Variants in RRN3 observed in about 807,000 individuals in gnomAD.
The protein encoded by RRN3 is RNA polymerase I transcription factor RRN3, also known as RNA polymerase I-specific transcription initiation factor RRN3.
Under a neutral mutation model 82.3 loss-of-function variants are expected in RRN3, and 38 were observed. The ratio of observed to expected loss-of-function variants is 0.46; its 90% confidence interval spans 0.36 to 0.61. The LOEUF is 0.61. RRN3 is among the 20% of genes least tolerant of loss of function. The pLI, the probability that RRN3 is intolerant of heterozygous loss-of-function variation, is 0.00. For synonymous variants in RRN3, 284 were observed against 284.3 expected, an observed-to-expected ratio of 1.00 and a Z score of 0.01; for missense variants, 726 against 793.1, an observed-to-expected ratio of 0.92 and a Z score of 1.02.
intron 8 of RRN3, among the ~76,000 whole-genome samples, chr16:15,080,942 AT>A (rs2045675837): frequency 6.6e-6 from 1 of 151,964 alleles, no homozygotes; most frequent in Non-Finnish European, 1.5e-5. Flanking sequence ...AGTTTGTGGC[AT>A]GTTTTTAGGG....
At chr16:15,079,172 AG>A (rs2045594104) in intron 9 of RRN3, among the ~76,000 whole-genome samples, 9 of 151,534 alleles carry the variant, frequency 5.9e-5, no homozygotes, top group South Asian at 2.1e-4. Flanking sequence ...CAGGGAGCAA[AG>A]TTGAAGGATT....
In RRN3 at chr16:15,063,291, C is replaced by T; in HGVS notation, c.1707-8G>A. On this transcript the variant is annotated splice_region_variant and splice_polypyrimidine_tract_variant and intron_variant, in intron 16 of 17. Coordinates refer to ENST00000198767, the MANE Select transcript of RRN3 (RefSeq NM_018427.5). ...TCAATGAATTTCTTTGACCTGTCAACAAAGATCACATTTCAAAGTCAAGTT... is the reference window on the plus strand; with the variant it reads ...TCAATGAATTTCTTTGACCTGTCAATAAAGATCACATTTCAAAGTCAAGTT... 3 of 1,600,246 alleles carry T rather than the reference C, an allele frequency of 1.9e-6. No homozygotes were observed. Among genetic ancestry groups the T allele is most frequent in the Middle Eastern group, 1.7e-4 (1 of 6,026 alleles).
chr16:15,072,733 T>C (rs1168543524), intron 12 of RRN3, among the ~76,000 whole-genome samples: 5 of 151,946 alleles, frequency 3.3e-5, no homozygotes, highest in African/African-American at 9.7e-5. Flanking sequence ...GAGGTGGAGG[T>C]TGCAGCAGTG....
At chr16:15,076,179 G>A (rs1190392839) in intron 10 of RRN3, among the ~76,000 whole-genome samples, 1 of 152,054 alleles carries the variant, frequency 6.6e-6, no homozygotes, top group Non-Finnish European at 1.5e-5. Flanking sequence ...TCCTTCCACT[G>A]AACCCAACTT....
intron 8 of RRN3, among the ~76,000 whole-genome samples, chr16:15,082,995 AG>A (rs149778595): frequency 0.03 from 4,549 of 152,342 alleles, 105 homozygotes; most frequent in Non-Finnish European, 0.051. Context: ...ACTTGCACAT[AG>A]TAATAACAGA....
chr16:15,080,950 A>G (rs1008045611), intron 8 of RRN3, among the ~76,000 whole-genome samples: 12 of 152,162 alleles, frequency 7.9e-5, no homozygotes, highest in Non-Finnish European at 1.6e-4. Flanking sequence ...GCATGTTTTT[A>G]GGGTTCAATC....
intron 10 of RRN3, among the ~76,000 whole-genome samples, chr16:15,076,123 C>A (rs2045444978): frequency 6.6e-6 from 1 of 152,216 alleles, no homozygotes; most frequent in African/African-American, 2.4e-5. Context: ...CTTCTGCTCC[C>A]TGACACCCTC....
Position 15,063,636 on chromosome 16 carries a change from C to T in RRN3, c.1707-353G>A, listed in dbSNP as rs139864903. Among the ~76,000 whole-genome samples the T allele has an allele frequency of 3.2e-3, 450 of 138,892 alleles. 1 individual carries two copies. Among genetic ancestry groups the T allele is most frequent in the African/African-American group, 0.01 (396 of 37,944 alleles). The allele number at this position is 138,892 out of a possible 152,430, so 91.1% of individuals were successfully genotyped here. A position where few individuals can be genotyped will look rare whatever the true frequency, so the allele number is the denominator to read the frequency against. On this transcript the variant is annotated intron_variant, in intron 16 of 17. Coordinates refer to ENST00000198767, the MANE Select transcript of RRN3 (RefSeq NM_018427.5). ...GGCAGAATGGCCTGAACCTGGGAGA[C>T]GGAGCTTGCAGCGAGCCGAGATCGC...
rs2044666493 is a variant in RRN3 at position 15,060,323 on chromosome 16, A to G, written c.*1421T>C. 1 of 230,016 alleles carries G rather than the reference A, an allele frequency of 4.3e-6. No individual in the cohort carries two copies. Among genetic ancestry groups the G allele is most frequent in the Non-Finnish European group, 8.9e-6 (1 of 112,540 alleles). The allele number at this position is 230,016 out of a possible 1,614,324, so 14.2% of individuals were successfully genotyped here. A position where few individuals can be genotyped will look rare whatever the true frequency, so the allele number is the denominator to read the frequency against. On this transcript the variant is annotated 3_prime_UTR_variant, in exon 18 of 18. Transcript: ENST00000198767. ...AAATTACTTTCCACCAAACCCGGAA[A>G]AGAAAACCACCCATATCCAAAACTT...
At chr16:15,078,202 C>T (rs1030237316) in intron 9 of RRN3, among the ~76,000 whole-genome samples, 2 of 152,166 alleles carry the variant, frequency 1.3e-5, no homozygotes, top group Non-Finnish European at 2.9e-5. Flanking sequence ...TCCAAGTGAG[C>T]ACTGCACCAG....
At chr16:15,087,851 A>T (rs1187095759) in intron 3 of RRN3, among the ~76,000 whole-genome samples, 3 of 152,186 alleles carry the variant, frequency 2.0e-5, no homozygotes, top group African/African-American at 7.2e-5. Flanking sequence ...GTGGTAGCTC[A>T]TGTCTGTAAT....
intron 11 of RRN3, among the ~76,000 whole-genome samples, chr16:15,073,927 G>C (rs1424549368): frequency 1.3e-5 from 2 of 152,060 alleles, no homozygotes; most frequent in Non-Finnish European, 2.9e-5. Context: ...AATGATATGA[G>C]AAAATGTTTA....
At chr16:15,087,660 C>T (rs1411298685) in intron 3 of RRN3, among the ~76,000 whole-genome samples, 1 of 152,118 alleles carries the variant, frequency 6.6e-6, no homozygotes, top group African/African-American at 2.4e-5. Flanking sequence ...TTTCATATGT[C>T]CACAACTGTT....
At chr16:15,087,404 G>A (rs1351378736) in intron 3 of RRN3, among the ~76,000 whole-genome samples, 10 of 152,128 alleles carry the variant, frequency 6.6e-5, no homozygotes, top group Admixed American at 1.3e-4. Context: ...CCAACCAAGA[G>A]GCCAGTAAAG....
At chr16:15,063,842 C>A (rs906681175) in intron 16 of RRN3, among the ~76,000 whole-genome samples, 53 of 152,012 alleles carry the variant, frequency 3.5e-4, no homozygotes, top group African/African-American at 1.3e-3. Flanking sequence ...TTTCATCTTT[C>A]CATTTTCATG....
At chr16:15,072,245 CAAA>C (rs55852324) in intron 12 of RRN3, among the ~76,000 whole-genome samples, 91 of 133,422 alleles carry the variant, frequency 6.8e-4, no homozygotes, top group Non-Finnish European at 9.3e-4. Flanking sequence ...TTTCCCCCAC[CAAA>C]AAAAAAAAAA....
intron 16 of RRN3, 143 bp from the exon 17 acceptor site, chr16:15,063,426 T>C: frequency 1.4e-6 from 1 of 718,468 alleles, no homozygotes; most frequent in Admixed American, 2.2e-5. Context: ...AAAAAAAACC[T>C]GGCTGGGTGC....
Position 15,060,204 on chromosome 16 carries a change from C to A in RRN3, c.*1540G>T. 1 of 396,562 alleles carries A rather than the reference C, an allele frequency of 2.5e-6. No homozygotes were observed. Among genetic ancestry groups the A allele is most frequent in the Non-Finnish European group, 5.0e-6 (1 of 200,298 alleles). The allele number at this position is 396,562 out of a possible 1,614,324, so 24.6% of individuals were successfully genotyped here. A position where few individuals can be genotyped will look rare whatever the true frequency, so the allele number is the denominator to read the frequency against. ...TCCCAACCCACAAAGACCCCACTTA[C>A]TACTAATTTCTGGGGAATTTCGTTT... On this transcript the variant is annotated 3_prime_UTR_variant, in exon 18 of 18. Transcript: ENST00000198767.
intron 14 of RRN3, among the ~76,000 whole-genome samples, 164 bp downstream of exon 14, chr16:15,069,906 T>A (rs1215491233): frequency 6.6e-6 from 1 of 152,174 alleles, no homozygotes; most frequent in Non-Finnish European, 1.5e-5. Context: ...TTAAGGGGTT[T>A]GTAGGGGCCT....
Sources: allele counts gnomAD v4.1 joint callset (sites outside exome capture counted in the v4.1 genomes callset), GRCh38; gene constraint gnomAD v4.1.1; transcripts MANE v1.5; gene names NCBI Gene and HGNC (gene_info 2026-07-23, HGNC 2026-07-21).